The following RIMKLB variants were observed in gnomAD, a reference collection of about 807,000 sequenced individuals.
RIMKLB encodes ribosomal modification protein rimK like family member B.
RIMKLB carries 7 observed loss-of-function variants against 32.0 expected under a neutral mutation model. The observed-to-expected ratio is 0.22, with a 90% CI of 0.12 to 0.41. The LOEUF (loss-of-function observed/expected upper bound fraction) is 0.41. Among genes scored for constraint, RIMKLB ranks in the 10% least tolerant of loss-of-function variants. The pLI, the probability that RIMKLB is intolerant of heterozygous loss-of-function variation, is 1.00. For synonymous variants in RIMKLB, 172 were observed against 185.1 expected, an observed-to-expected ratio of 0.93 and a Z score of 0.57; for missense variants, 289 against 498.7, an observed-to-expected ratio of 0.58 and a Z score of 4.00.
chr12:8,701,372 C>T lies in RIMKLB; in HGVS notation c.-57+3075C>T, dbSNP rs75399542. On this transcript the variant is annotated intron_variant, in intron 1 of 5. Coordinates refer to ENST00000535829, the MANE Select transcript of RIMKLB (RefSeq NM_001297776.2). ...AGGTTTGTAGAAAAGTACTGACTTT[C>T]TGGCTTCATGGTAACTAATGCCATG... Among the ~76,000 whole-genome samples the T allele has an allele frequency of 9.5e-4, 144 of 151,920 alleles. 2 individuals carry two copies. In the East Asian group the frequency reaches 0.017, roughly 18 times the overall value.
chr12:8,775,876 TG>T lies in RIMKLB; in HGVS notation c.*2097del. Reference sequence around the variant, plus strand: ...AAGAACTTATCTTGCGCAGGGTAAATGGGGGACTCACATACATATATTAATA... The same window carrying T: ...AAGAACTTATCTTGCGCAGGGTAAATGGGGACTCACATACATATATTAATA... On this transcript the variant is annotated 3_prime_UTR_variant, in exon 6 of 6. Transcript: ENST00000535829. 4.1e-6 allele frequency: 4 copies of T among 985,142 alleles called. No homozygotes were observed. Among genetic ancestry groups the T allele is most frequent in the Non-Finnish European group, 4.8e-6 (4 of 829,720 alleles). 61.0% of individuals were successfully genotyped at this position (985,142 alleles called of 1,614,324 possible).
intron 4 of RIMKLB, 25 bp from the exon 5 acceptor site, chr12:8,753,865 G>A: frequency 6.3e-7 from 1 of 1,586,350 alleles, no homozygotes; most frequent in Non-Finnish European, 8.7e-7. Context: ...GACTTAACAT[G>A]TATTTTTATT....
intron 1 of RIMKLB, among the ~76,000 whole-genome samples, chr12:8,685,901 A>G (rs1345517599): frequency 1.3e-5 from 2 of 151,840 alleles, no homozygotes; most frequent in Non-Finnish European, 2.9e-5. Flanking sequence ...TCCACCTCCC[A>G]GGTTCCAGCG....
chr12:8,772,074 A>T (rs964865214), intron 5 of RIMKLB, among the ~76,000 whole-genome samples: 5 of 152,084 alleles, frequency 3.3e-5, no homozygotes, highest in Non-Finnish European at 5.9e-5. Flanking sequence ...TTTTTAGTAG[A>T]AACGAGGTTT....
intron 1 of RIMKLB, among the ~76,000 whole-genome samples, chr12:8,689,985 G>A (rs1358569452): frequency 6.6e-6 from 1 of 152,020 alleles, no homozygotes; most frequent in Non-Finnish European, 1.5e-5. Flanking sequence ...GACTGTCAGG[G>A]ACTCTGACCT....
Position 8,776,388 on chromosome 12 carries a change from A to G in RIMKLB, c.*2604A>G, listed in dbSNP as rs1028019259. 8.1e-6 allele frequency: 8 copies of G among 981,612 alleles called. No homozygotes were observed. Among genetic ancestry groups the G allele is most frequent in the African/African-American group, 1.7e-5 (1 of 57,174 alleles). 60.8% of individuals were successfully genotyped at this position (981,612 alleles called of 1,614,324 possible). ...GAGCAAATCATTCTGGAAGTACCTT[A>G]AGGAAACAAACAGCAGCAGATATTT... On this transcript the variant is annotated 3_prime_UTR_variant, in exon 6 of 6. Coordinates refer to ENST00000535829, the MANE Select transcript of RIMKLB (RefSeq NM_001297776.2).
At chr12:8,756,907 G>C (rs1949086534) in intron 5 of RIMKLB, among the ~76,000 whole-genome samples, 1 of 151,956 alleles carries the variant, frequency 6.6e-6, no homozygotes, top group African/African-American at 2.4e-5. Flanking sequence ...GACCAGGCTG[G>C]TCTTGAACTC....
At position 8,745,983 on chromosome 12, in the gene RIMKLB, C is replaced by A. The variant is rs1202823131; in HGVS notation, c.176-3879C>A. 2.0e-5 allele frequency among the ~76,000 whole-genome samples: 3 copies of A among 151,916 alleles called. 1 individual carries two copies. Among genetic ancestry groups the A allele is most frequent in the African/African-American group, 7.3e-5 (3 of 41,188 alleles). On this transcript the variant is annotated intron_variant, in intron 2 of 5. Transcript: ENST00000535829. Reference sequence around the variant, plus strand: ...GTGCTGGGATTACAGGCGTGAGCCACTGAGCCTGACCCCATAAATTAATAT... The same window carrying A: ...GTGCTGGGATTACAGGCGTGAGCCAATGAGCCTGACCCCATAAATTAATAT...
chr12:8,685,426 C>T (rs1015021427), intron 1 of RIMKLB, among the ~76,000 whole-genome samples: 7 of 152,152 alleles, frequency 4.6e-5, no homozygotes, highest in Admixed American at 6.6e-5. Context: ...GTCACATGCT[C>T]GTTCAGCATC....
At position 8,720,255 on chromosome 12, in the gene RIMKLB, A is replaced by G. The variant is rs755695071; in HGVS notation, c.175+6214A>G. Among the ~76,000 whole-genome samples, 11 of 152,358 alleles carry G rather than the reference A, an allele frequency of 7.2e-5. No homozygotes were observed. In the East Asian group the frequency reaches 1.9e-3, roughly 27 times the overall value. ...ACACATTCATTAGGAGAATATGAGA[A>G]GTCATATCATCAGTAACATTCTTTT... is the stretch of plus-strand genomic sequence containing the variant. On this transcript the variant is annotated intron_variant, in intron 2 of 5. Coordinates refer to ENST00000535829, the MANE Select transcript of RIMKLB (RefSeq NM_001297776.2).
At chr12:8,738,711 A>G (rs1377719515) in intron 2 of RIMKLB, among the ~76,000 whole-genome samples, 3 of 152,200 alleles carry the variant, frequency 2.0e-5, no homozygotes, top group African/African-American at 4.8e-5. Context: ...TACAGTGTTC[A>G]TGGGGAATGG....
intron 2 of RIMKLB, among the ~76,000 whole-genome samples, chr12:8,745,353 A>G (rs967885969): frequency 3.3e-5 from 5 of 151,148 alleles, no homozygotes; most frequent in Non-Finnish European, 5.9e-5. Context: ...CATATTTTCA[A>G]CTTATATATT....
At chr12:8,720,196 A>G (rs1945296246) in intron 2 of RIMKLB, among the ~76,000 whole-genome samples, 1 of 152,214 alleles carries the variant, frequency 6.6e-6, no homozygotes, top group Non-Finnish European at 1.5e-5. Flanking sequence ...GACATTGAGG[A>G]CATATATTTT....
downstream of RIMKLB, chr12:8,777,848 C>CT (rs1565438885): frequency 6.0e-6 from 2 of 332,852 alleles, no homozygotes; most frequent in Non-Finnish European, 9.0e-6. Context: ...GGCTAACTTT[C>CT]TTTTTTTAAA....
At chr12:8,690,848 G>A (rs1200948524) in intron 1 of RIMKLB, among the ~76,000 whole-genome samples, 4 of 152,074 alleles carry the variant, frequency 2.6e-5, no homozygotes, top group South Asian at 4.1e-4. Context: ...ACTTGAACCC[G>A]GGAGGCAGAG....
intron 2 of RIMKLB, among the ~76,000 whole-genome samples, chr12:8,748,286 G>T (rs1948285099): frequency 6.6e-6 from 1 of 152,098 alleles, no homozygotes; most frequent in African/African-American, 2.4e-5. Flanking sequence ...AGTACAATAA[G>T]ATTTTGAGAG....
chr12:8,733,370 T>C (rs1213556633), intron 2 of RIMKLB, among the ~76,000 whole-genome samples: 2 of 151,738 alleles, frequency 1.3e-5, no homozygotes, highest in African/African-American at 2.4e-5. Flanking sequence ...TAACTCAGGA[T>C]CTACTATTAT....
intron 5 of RIMKLB, among the ~76,000 whole-genome samples, chr12:8,755,670 T>C (rs758401903): frequency 2.6e-4 from 39 of 152,122 alleles, no homozygotes; most frequent in Non-Finnish European, 5.9e-5. Flanking sequence ...CGCAGTGATA[T>C]GACGGATGCT....
intron 2 of RIMKLB, chr12:8,742,483 A>G (rs117473053): frequency 0.013 from 5,300 of 418,360 alleles, 138 homozygotes; most frequent in Admixed American, 0.061. Flanking sequence ...GATGTCCTCA[A>G]GTTCCTTGCA....
Sources: gnomAD v4.1 joint callset for allele counts (sites outside exome capture counted in the v4.1 genomes callset) on GRCh38, gnomAD v4.1.1 for gene constraint, MANE v1.5 for transcripts, NCBI Gene and HGNC (gene_info 2026-07-23, HGNC 2026-07-21) for gene names.